The following SS18 variants were observed in gnomAD, a reference collection of about 807,000 sequenced individuals.
SS18 encodes the protein protein SSXT.
In SS18, 28 loss-of-function variants were observed where a neutral mutation model predicts 72.5. The ratio of observed to expected loss-of-function variants is 0.39; its 90% CI spans 0.29 to 0.53. SS18 has a LOEUF of 0.53. Ranked by LOEUF, SS18 falls within the 20% of genes least tolerant of loss-of-function variation. The pLI, the probability that SS18 is intolerant of heterozygous loss-of-function variation, is 0.76. For missense variants in SS18, 518 were observed against 535.3 expected (o/e 0.97, Z 0.32); for synonymous variants, 172 against 164.2 (o/e 1.05, Z -0.37).
At chr18:26,062,602 C>T (rs561419397) in intron 3 of SS18, among the ~76,000 whole-genome samples, 7 of 152,036 alleles carry the variant, frequency 4.6e-5, no homozygotes, top group African/African-American at 1.7e-4. Context: ...ATAACAAATA[C>T]ATTAGATTGG....
Position 26,055,350 on chromosome 18 carries a change from C to T in SS18, c.385+2239G>A, listed in dbSNP as rs182673915. ...GGTGTGGTGGTGTGCGCCTGTAATC[C>T]CAGCTACTCGGGAGGATGAGGCAGG... On this transcript the variant is annotated intron_variant, in intron 4 of 10. Transcript: ENST00000415083. Among the ~76,000 whole-genome samples the T allele has an allele frequency of 2.3e-3, 345 of 151,786 alleles. 1 individual carries two copies. Among genetic ancestry groups the T allele is most frequent in the Admixed American group, 3.8e-3 (58 of 15,258 alleles).
At chr18:26,060,810 G>T (rs1281203448) in intron 3 of SS18, among the ~76,000 whole-genome samples, 6 of 78,838 alleles carry the variant, frequency 7.6e-5, no homozygotes, top group African/African-American at 2.1e-4. Flanking sequence ...AAAAAAATCA[G>T]CCAGGCGCAG....
At chr18:26,090,932 T>G (rs1345027682), upstream of SS18, 1 of 330,740 alleles carries the variant, frequency 3.0e-6, no homozygotes, top group African/African-American at 2.2e-5. Flanking sequence ...AAGGAGAGGC[T>G]GGGGCAGCCC....
Position 26,016,763 on chromosome 18 carries a change from C to G in SS18, c.*1591G>C. The G allele has an allele frequency of 4.4e-6, 1 of 229,528 alleles. No homozygotes were observed. Among genetic ancestry groups the G allele is most frequent in the Non-Finnish European group, 8.6e-6 (1 of 115,656 alleles). 14.2% of individuals were successfully genotyped at this position (229,528 alleles called of 1,614,324 possible). On this transcript the variant is annotated 3_prime_UTR_variant, in exon 11 of 11. Transcript: ENST00000415083. ...AGAACAAAAAACAAAAACAAAAAAA[C>G]CTGTTCTGACCTTGAAACACACAAA... is the stretch of plus-strand genomic sequence containing the variant.
In SS18 at chr18:26,039,310, G is replaced by T. The variant is rs774491676; in HGVS notation, c.754C>A (p.Pro252Thr). 6.2e-7 allele frequency: 1 copy of T among 1,613,208 alleles called. No homozygotes were observed. The highest frequency in any genetic ancestry group is 2.2e-5 in the East Asian group (1 of 44,858). ...TTACCCTGTTGAGGAGGTCTATAGG[G>T]AGGAATCTGTCTCTGACCCATCATA... The part of the protein sequence containing the change: ...NHMMGQRQIP[P>T]YRPPQQGPPQ... Residue 252 changes from proline (P) to threonine (T), a missense_variant, in exon 6 of 11, where the codon CCC becomes ACC. By Grantham distance (38) the Pro-to-Thr change is conservative. Transcript: ENST00000415083.
At chr18:26,037,159 A>G (rs937654150) in intron 7 of SS18, among the ~76,000 whole-genome samples, 5 of 152,108 alleles carry the variant, frequency 3.3e-5, no homozygotes, top group African/African-American at 7.2e-5. Flanking sequence ...CTATGCAAAA[A>G]TGATACCCTT....
At chr18:26,059,188 TAA>T (rs904434471) in intron 3 of SS18, among the ~76,000 whole-genome samples, 1 of 152,048 alleles carries the variant, frequency 6.6e-6, no homozygotes, top group African/African-American at 2.4e-5. Flanking sequence ...AGACAAAAAG[TAA>T]AAACTGTTTG....
intron 1 of SS18, among the ~76,000 whole-genome samples, chr18:26,089,376 G>A (rs929371631): frequency 3.9e-5 from 6 of 152,178 alleles, no homozygotes; most frequent in Non-Finnish European, 8.8e-5. Flanking sequence ...TCCAGGCACT[G>A]CCAAGCCCGT....
intron 10 of SS18, among the ~76,000 whole-genome samples, chr18:26,028,991 TCTTA>T (rs1361302953): frequency 6.6e-6 from 1 of 152,198 alleles, no homozygotes; most frequent in African/African-American, 2.4e-5. Context: ...GGGTGTTATG[TCTTA>T]CTTAGGTGGT....
At chr18:26,023,326 T>A (rs1024345304) in intron 10 of SS18, among the ~76,000 whole-genome samples, 1 of 152,116 alleles carries the variant, frequency 6.6e-6, no homozygotes, top group Non-Finnish European at 1.5e-5. Context: ...ACCAAACTTG[T>A]AGAGATGAAA....
At position 26,032,216 on chromosome 18, in the gene SS18, T is replaced by A. The variant is rs946628321; in HGVS notation, c.1230+183A>T. 2.6e-5 allele frequency among the ~76,000 whole-genome samples: 4 copies of A among 152,164 alleles called. No homozygotes were observed. The South Asian group carries it at 6.2e-4, about 24-fold the overall frequency. On this transcript the variant is annotated intron_variant, in intron 10 of 10. Coordinates refer to ENST00000415083, the MANE Select transcript of SS18 (RefSeq NM_001007559.3). ...GTTTTATATGATAGAGTAACTATGA[T>A]CAACTGTGTTATTAAACAGCATGAA...
At chr18:26,023,460 C>A (rs1301663074) in intron 10 of SS18, among the ~76,000 whole-genome samples, 1 of 150,894 alleles carries the variant, frequency 6.6e-6, no homozygotes, top group Non-Finnish European at 1.5e-5. Flanking sequence ...TTTCTTCAAT[C>A]AAACAATTTG....
chr18:26,058,867 A>G (rs2054070967), intron 3 of SS18, among the ~76,000 whole-genome samples: 2 of 152,180 alleles, frequency 1.3e-5, no homozygotes, highest in African/African-American at 4.8e-5. Context: ...ACACTTAAAA[A>G]CCTTGTTCAG....
chr18:26,055,404 T>C (rs1598574801), intron 4 of SS18, among the ~76,000 whole-genome samples: 1 of 151,696 alleles, frequency 6.6e-6, no homozygotes, highest in Non-Finnish European at 1.5e-5. Flanking sequence ...GAGGCAGAGG[T>C]TGCAGTGAGC....
At chr18:26,069,152 T>C (rs1451725942) in intron 3 of SS18, among the ~76,000 whole-genome samples, 1 of 152,192 alleles carries the variant, frequency 6.6e-6, no homozygotes, top group Non-Finnish European at 1.5e-5. Context: ...CCCTTTCCAT[T>C]GATATCCTCC....
At chr18:26,055,751 GTTTT>G (rs201307664) in intron 4 of SS18, among the ~76,000 whole-genome samples, 1 of 126,798 alleles carries the variant, frequency 7.9e-6, no homozygotes, top group African/African-American at 2.8e-5. Context: ...AATTCTTTCT[GTTTT>G]TTTTTTTTTT....
At chr18:26,073,988 G>C (rs1438862137) in intron 3 of SS18, among the ~76,000 whole-genome samples, 1 of 152,098 alleles carries the variant, frequency 6.6e-6, no homozygotes, top group East Asian at 1.9e-4. Context: ...GATCACATTT[G>C]AATTTCCAAG....
chr18:26,023,833 T>C (rs1014723531), intron 10 of SS18, among the ~76,000 whole-genome samples: 1 of 139,680 alleles, frequency 7.2e-6, no homozygotes, highest in Non-Finnish European at 1.5e-5. Context: ...CATGGGTCAA[T>C]TTAAAAATTT....
At chr18:26,042,105 T>C (rs2053739083) in intron 5 of SS18, among the ~76,000 whole-genome samples, 1 of 152,214 alleles carries the variant, frequency 6.6e-6, no homozygotes, top group Non-Finnish European at 1.5e-5. Flanking sequence ...AGTATATTAT[T>C]TTCCTTCTTA....
Sources: gnomAD v4.1 joint callset for allele counts (sites outside exome capture counted in the v4.1 genomes callset) on GRCh38, gnomAD v4.1.1 for gene constraint, MANE v1.5 for transcripts, NCBI Gene and HGNC (gene_info 2026-07-23, HGNC 2026-07-21) for gene names.